Variants in CHST15 observed in about 807,000 individuals in gnomAD.
The protein encoded by CHST15 is carbohydrate sulfotransferase 15.
Under a neutral mutation model 53.6 loss-of-function variants are expected in CHST15, and 30 were observed. That is an observed-to-expected ratio of 0.56 (90% CI 0.42 to 0.76). The LOEUF (loss-of-function observed/expected upper bound fraction) is 0.76, where lower values mean the gene tolerates loss of function less well. CHST15 is among the 30% of genes least tolerant of loss of function. The pLI is 0.00. For missense variants in CHST15, 627 were observed against 740.5 expected, an observed-to-expected ratio of 0.85 and a Z score of 1.78; for synonymous variants, 296 against 289.8, an observed-to-expected ratio of 1.02 and a Z score of -0.22.
At chr10:124,010,703 C>A (rs1362083245) in intron 7 of CHST15, 1 of 985,340 alleles carries the variant, frequency 1.0e-6, no homozygotes, top group Admixed American at 6.1e-5. Flanking sequence ...TGCGGCCTGC[C>A]GAGCACAGCC....
intron 1 of CHST15, among the ~76,000 whole-genome samples, chr10:124,090,961 T>C (rs1432752649): frequency 6.6e-6 from 1 of 152,240 alleles, no homozygotes; most frequent in Non-Finnish European, 1.5e-5. Context: ...AGAGGGCTCC[T>C]GAGCTGGCTC....
intron 1 of CHST15, among the ~76,000 whole-genome samples, chr10:124,049,389 T>G (rs1229384653): frequency 2.0e-5 from 3 of 152,184 alleles, no homozygotes; most frequent in Non-Finnish European, 4.4e-5. Context: ...GGTGACACTT[T>G]GCGGGCCAGG....
chr10:124,091,750 G>A (rs1379011000), intron 1 of CHST15, among the ~76,000 whole-genome samples: 4 of 151,734 alleles, frequency 2.6e-5, no homozygotes, highest in African/African-American at 9.7e-5. Flanking sequence ...GCAGGCAGAC[G>A]AAGAAGGGCC....
Position 124,010,882 on chromosome 10 carries a change from G to GC in CHST15, c.1496-544dup, listed in dbSNP as rs1946393878. On this transcript the variant is annotated intron_variant, in intron 7 of 7. Coordinates refer to ENST00000435907, the MANE Select transcript of CHST15 (RefSeq NM_001270764.2). The stretch of plus-strand genomic sequence containing the variant: ...TGGGAGGAGGCCACTTGTGCCCAGA[G>GC]CCCCCACTGGCTGAACCTCCATCTG... 4 of 985,332 alleles carry GC rather than the reference G, an allele frequency of 4.1e-6. No individual in the cohort carries two copies. In the South Asian group the frequency reaches 1.9e-4, roughly 46 times the overall value. 61.0% of individuals were successfully genotyped at this position (985,332 alleles called of 1,614,324 possible).
chr10:124,077,381 A>T (rs1453098827), intron 1 of CHST15, among the ~76,000 whole-genome samples: 2 of 152,200 alleles, frequency 1.3e-5, no homozygotes, highest in African/African-American at 4.8e-5. Flanking sequence ...TGAGGATTTA[A>T]AAATATGGGG....
chr10:124,063,039 G>C (rs4512765), intron 1 of CHST15, among the ~76,000 whole-genome samples: 44,502 of 151,980 alleles, frequency 0.29, 6,764 homozygotes, highest in South Asian at 0.42. Context: ...GTCCCACCAA[G>C]ACACCAGGAG....
At position 124,074,794 on chromosome 10, in the gene CHST15, A is replaced by AGG. The variant is rs1366880981; in HGVS notation, c.-513+18674_-513+18675insCC. Reference sequence around the variant, plus strand: ...ATTCACCTCCTAGACTCTAACCTCCATGAGGACAGGACCTGGGCATGTCTC... The same window carrying AGG: ...ATTCACCTCCTAGACTCTAACCTCCAGGTGAGGACAGGACCTGGGCATGTCTC... On this transcript the variant is annotated intron_variant, in intron 1 of 7. Coordinates refer to ENST00000435907, the MANE Select transcript of CHST15 (RefSeq NM_001270764.2). The surrounding 1 kb of genome is among the most constrained non-coding windows in gnomAD (Gnocchi z 4.4). Among the ~76,000 whole-genome samples, 2 of 152,146 alleles carry AGG rather than the reference A, an allele frequency of 1.3e-5. No individual in the cohort carries two copies. The highest frequency in any genetic ancestry group is 4.8e-5 in the African/African-American group (2 of 41,442).
At chr10:124,029,692 C>T (rs554463857) in intron 5 of CHST15, among the ~76,000 whole-genome samples, 5 of 152,224 alleles carry the variant, frequency 3.3e-5, no homozygotes, top group Admixed American at 6.5e-5. Flanking sequence ...TGAGGATTGG[C>T]GGGCTACCCC....
intron 5 of CHST15, among the ~76,000 whole-genome samples, chr10:124,028,292 TAG>T (rs1467124967): frequency 1.3e-5 from 2 of 152,190 alleles, no homozygotes; most frequent in Non-Finnish European, 2.9e-5. Flanking sequence ...AATAGCTCAT[TAG>T]AGTTTGATGG....
At chr10:124,038,469 A>C in intron 5 of CHST15, 46 bp downstream of exon 5, 1 of 1,597,876 alleles carries the variant, frequency 6.3e-7, no homozygotes, top group Non-Finnish European at 8.6e-7. Context: ...CTGTTCTTCA[A>C]AAGTTCCTCT....
At position 124,021,390 on chromosome 10, in the gene CHST15, A is replaced by C; in HGVS notation, c.1213T>G (p.Phe405Val). 1 of 1,613,654 alleles carries C rather than the reference A, an allele frequency of 6.2e-7. No individual in the cohort carries two copies. Among genetic ancestry groups the C allele is most frequent in the Non-Finnish European group, 8.5e-7 (1 of 1,179,556 alleles). The change falls in exon 6 of 8, where the codon TTT (phenylalanine) becomes GTT (valine). Residue 405 changes from phenylalanine (F) to valine (V), a missense_variant. Physicochemically the swap from Phe to Val is conservative, Grantham distance 50. Coordinates refer to ENST00000435907, the MANE Select transcript of CHST15 (RefSeq NM_001270764.2). ...TCCGCGGATTTATTCGAACTTGCAAAGTAGAGATAGTCTGAGTACAACCTG... is the reference window on the plus strand; with the variant it reads ...TCCGCGGATTTATTCGAACTTGCAACGTAGAGATAGTCTGAGTACAACCTG... ...VERLYSDYLYFASSNKSADDF... is the reference protein window; with the variant it reads ...VERLYSDYLYVASSNKSADDF...
At chr10:124,057,846 C>A (rs1948433698) in intron 1 of CHST15, among the ~76,000 whole-genome samples, 1 of 152,060 alleles carries the variant, frequency 6.6e-6, no homozygotes, top group Non-Finnish European at 1.5e-5. Context: ...CCTTGTGCAA[C>A]CACCCGAGAT....
At chr10:124,057,412 C>G (rs1242510589) in intron 1 of CHST15, among the ~76,000 whole-genome samples, 3 of 152,182 alleles carry the variant, frequency 2.0e-5, no homozygotes, top group Non-Finnish European at 4.4e-5. Context: ...ACTTTTGCAC[C>G]TCTTTATTTA....
chr10:124,041,287 T>C (rs1313992980), intron 4 of CHST15, among the ~76,000 whole-genome samples: 1 of 152,242 alleles, frequency 6.6e-6, no homozygotes, highest in Non-Finnish European at 1.5e-5. Context: ...ATAACAGATC[T>C]AGGAAAATTA....
intron 6 of CHST15, 32 bp from the exon 7 acceptor site, chr10:124,012,512 G>A (rs1946446905): frequency 6.3e-7 from 1 of 1,596,040 alleles, no homozygotes; most frequent in South Asian, 1.1e-5. Context: ...ATTATTTCAG[G>A]AGCAGTTGCC....
intron 1 of CHST15, among the ~76,000 whole-genome samples, chr10:124,083,577 T>G (rs1370560376): frequency 6.6e-6 from 1 of 152,130 alleles, no homozygotes; most frequent in Non-Finnish European, 1.5e-5. Context: ...CTTCTGTACA[T>G]CTCCTCATAT....
Position 124,009,418 on chromosome 10 carries a change from TAGG to T in CHST15, c.*728_*730del, listed in dbSNP as rs1237144871. 24 of 994,400 alleles carry T rather than the reference TAGG, an allele frequency of 2.4e-5. No homozygotes were observed. In the South Asian group the frequency reaches 8.8e-4, roughly 37 times the overall value. 61.6% of individuals were successfully genotyped at this position (994,400 alleles called of 1,614,324 possible). A position where few individuals can be genotyped will look rare whatever the true frequency, so the allele number is the denominator to read the frequency against. On this transcript the variant is annotated 3_prime_UTR_variant, in exon 8 of 8. Transcript: ENST00000435907. Reference sequence around the variant, plus strand: ...TAAACATAAGTCCACAAGGACAGAATAGGAGGAGGTCAGAAAGATGAAGGTGCT... The same window carrying T: ...TAAACATAAGTCCACAAGGACAGAATAGGAGGTCAGAAAGATGAAGGTGCT...
chr10:124,030,226 C>T (rs2133913607), intron 5 of CHST15, among the ~76,000 whole-genome samples: 1 of 152,238 alleles, frequency 6.6e-6, no homozygotes, highest in East Asian at 1.9e-4. Flanking sequence ...TGCCAGCTCT[C>T]CCTCCCCGCT....
At chr10:124,038,101 T>G (rs1317503135) in intron 5 of CHST15, among the ~76,000 whole-genome samples, 4 of 144,616 alleles carry the variant, frequency 2.8e-5, no homozygotes, top group African/African-American at 1.0e-4. Flanking sequence ...TTGTTTGTTT[T>G]TATTTTATTT....
Sources: gnomAD v4.1 joint callset for allele counts (sites outside exome capture counted in the v4.1 genomes callset) on GRCh38, gnomAD v4.1.1 for gene constraint, Gnocchi (gnomAD v3.1) non-coding constraint, MANE v1.5 for transcripts, NCBI Gene and HGNC (gene_info 2026-07-23, HGNC 2026-07-21) for gene names.